ADAMTS6: variants seen among roughly 807,000 people sequenced by gnomAD.
ADAMTS6 encodes A disintegrin and metalloproteinase with thrombospondin motifs 6.
ADAMTS6 carries 23 observed loss-of-function variants against 144.3 expected under a neutral mutation model. That is an observed-to-expected ratio of 0.16 (90% confidence interval 0.11 to 0.23). The LOEUF is 0.23. Among genes scored for constraint, ADAMTS6 ranks in the 10% least tolerant of loss-of-function variants. The pLI, the probability that ADAMTS6 is intolerant of heterozygous loss-of-function variation, is 1.00. For missense variants in ADAMTS6, 999 were observed against 1,379.6 expected, an observed-to-expected ratio of 0.72 and a Z score of 4.37; for synonymous variants, 444 against 457.5, an observed-to-expected ratio of 0.97 and a Z score of 0.38.
At position 65,337,050 on chromosome 5, in the gene ADAMTS6, G is replaced by C. The variant is rs369308235; in HGVS notation, c.1074-2965C>G. On this transcript the variant is annotated intron_variant, in intron 7 of 24. Transcript: ENST00000381055. ...AAAGACTTCAGTCATGGATTAAAAA[G>C]TACACCATCTTATCCATGAATTATA... Among the ~76,000 whole-genome samples the C allele has an allele frequency of 2.2e-4, 34 of 152,144 alleles. No homozygotes were observed. In the East Asian group the frequency reaches 3.1e-3, roughly 14 times the overall value.
At chr5:65,424,277 A>G (rs1756317124) in intron 7 of ADAMTS6, among the ~76,000 whole-genome samples, 1 of 152,168 alleles carries the variant, frequency 6.6e-6, no homozygotes, top group Non-Finnish European at 1.5e-5. Context: ...CTGTTCCCCA[A>G]AAGATCTACT....
At chr5:65,256,146 C>T (rs1226367245) in intron 14 of ADAMTS6, among the ~76,000 whole-genome samples, 1 of 152,210 alleles carries the variant, frequency 6.6e-6, no homozygotes, top group African/African-American at 2.4e-5. Flanking sequence ...ATGGTTGCCA[C>T]CAGCCACATG....
intron 7 of ADAMTS6, among the ~76,000 whole-genome samples, chr5:65,376,403 A>G (rs1468334789): frequency 4.6e-5 from 7 of 152,054 alleles, no homozygotes; most frequent in Non-Finnish European, 1.0e-4. Context: ...GTGAGCCAAA[A>G]TTGCGCCACT....
intron 7 of ADAMTS6, among the ~76,000 whole-genome samples, chr5:65,422,169 A>G (rs767521426): frequency 5.0e-4 from 76 of 152,270 alleles, no homozygotes; most frequent in Middle Eastern, 3.2e-3. Context: ...TCTCAAAAGA[A>G]GATATACAAA....
intron 6 of ADAMTS6, 94 bp downstream of exon 6, chr5:65,452,039 G>A: frequency 1.0e-6 from 1 of 990,890 alleles, no homozygotes. Flanking sequence ...CCTAATAGAA[G>A]CAATAATAAA....
intron 15 of ADAMTS6, among the ~76,000 whole-genome samples, chr5:65,239,698 T>C (rs1759001019): frequency 6.6e-6 from 1 of 151,988 alleles, no homozygotes; most frequent in Admixed American, 6.6e-5. Context: ...CAATTAAAAA[T>C]AGGCAAAAGA....
chr5:65,333,986 T>A, intron 8 of ADAMTS6, 56 bp downstream of exon 8: 2 of 1,233,316 alleles, frequency 1.6e-6, no homozygotes. Flanking sequence ...TCAGAACCAT[T>A]CTACCTTTAT....
chr5:65,396,141 G>T (rs1301838656), intron 7 of ADAMTS6, among the ~76,000 whole-genome samples: 2 of 152,104 alleles, frequency 1.3e-5, no homozygotes, highest in African/African-American at 4.8e-5. Flanking sequence ...ATAAAAAAAT[G>T]AAGTAAACTA....
intron 16 of ADAMTS6, 36 bp downstream of exon 16, chr5:65,226,050 A>G (rs1168531691): frequency 6.4e-7 from 1 of 1,562,718 alleles, no homozygotes. Context: ...TAAAAGTCTC[A>G]AAAACCCCAA....
intron 9 of ADAMTS6, among the ~76,000 whole-genome samples, chr5:65,312,077 A>G (rs1463791334): frequency 6.6e-6 from 1 of 152,052 alleles, no homozygotes; most frequent in Non-Finnish European, 1.5e-5. Flanking sequence ...GGAAAAAATA[A>G]ATAGATGATC....
chr5:65,470,692 A>AT lies in ADAMTS6; in HGVS notation c.462+85dup, dbSNP rs869036346. On this transcript the variant is annotated intron_variant, in intron 3 of 24. Transcript: ENST00000381055. ...ACTTAAACTACCTATATATATATAT[A>AT]TTTTTTTTTTAATCTGAGGAAAGAC... is the stretch of plus-strand genomic sequence containing the variant. 5,931 of 992,596 alleles carry AT rather than the reference A, an allele frequency of 6.0e-3. 14 individuals are homozygous for AT. The highest frequency in any genetic ancestry group is 0.015 in the East Asian group (402 of 27,450). The allele number at this position is 992,596 out of a possible 1,614,324, so 61.5% of individuals were successfully genotyped here.
At chr5:65,335,661 G>T (rs982454447) in intron 7 of ADAMTS6, among the ~76,000 whole-genome samples, 2 of 151,874 alleles carry the variant, frequency 1.3e-5, no homozygotes, top group Non-Finnish European at 2.9e-5. Flanking sequence ...ACTAGGAATA[G>T]AAAGATAAAT....
chr5:65,292,485 T>G (rs1216882906), intron 10 of ADAMTS6, among the ~76,000 whole-genome samples: 2 of 152,032 alleles, frequency 1.3e-5, no homozygotes, highest in Admixed American at 6.5e-5. Context: ...ACAGTACAAT[T>G]TTTCATTTAT....
At chr5:65,394,293 C>A (rs566669737) in intron 7 of ADAMTS6, among the ~76,000 whole-genome samples, 1 of 152,290 alleles carries the variant, frequency 6.6e-6, no homozygotes, top group East Asian at 1.9e-4. Flanking sequence ...GGAAAAACCA[C>A]ATTAGGAGAG....
intron 9 of ADAMTS6, among the ~76,000 whole-genome samples, chr5:65,322,451 A>G (rs1211772669): frequency 6.6e-6 from 1 of 151,974 alleles, no homozygotes; most frequent in Non-Finnish European, 1.5e-5. Flanking sequence ...GAATCTGTAA[A>G]TTTACATGCA....
At chr5:65,188,869 A>T (rs1429585580) in intron 21 of ADAMTS6, among the ~76,000 whole-genome samples, 1 of 152,208 alleles carries the variant, frequency 6.6e-6, no homozygotes, top group Non-Finnish European at 1.5e-5. Context: ...ATAATTAAAA[A>T]TTTTATGCTA....
intron 15 of ADAMTS6, among the ~76,000 whole-genome samples, chr5:65,226,964 T>G (rs1265510329): frequency 6.6e-6 from 1 of 152,158 alleles, no homozygotes; most frequent in East Asian, 1.9e-4. Flanking sequence ...CATATGTTAC[T>G]GAAGCTGATA....
chr5:65,197,973 CACAA>C (rs1755493275), intron 20 of ADAMTS6, among the ~76,000 whole-genome samples: 1 of 152,132 alleles, frequency 6.6e-6, no homozygotes, highest in South Asian at 2.1e-4. Context: ...TAAAGACACA[CACAA>C]ACACACACTC....
At chr5:65,223,348 A>G (rs1757468699) in intron 18 of ADAMTS6, among the ~76,000 whole-genome samples, 1 of 152,212 alleles carries the variant, frequency 6.6e-6, no homozygotes, top group Non-Finnish European at 1.5e-5. Flanking sequence ...TGTGGTGACA[A>G]TAAGATCTAT....
Sources: allele counts gnomAD v4.1 joint callset (sites outside exome capture counted in the v4.1 genomes callset), GRCh38; gene constraint gnomAD v4.1.1; transcripts MANE v1.5; gene names NCBI Gene and HGNC (gene_info 2026-07-23, HGNC 2026-07-21).